REEP3: variants seen among roughly 807,000 people sequenced by gnomAD.
REEP3 encodes the protein receptor expression-enhancing protein 3.
In REEP3, 20 loss-of-function variants were observed where a neutral mutation model predicts 41.3. The observed-to-expected ratio is 0.48, with a 90% CI of 0.34 to 0.70. The LOEUF is 0.70. Among genes scored for constraint, REEP3 ranks in the 30% least tolerant of loss-of-function variants. The pLI, the probability that REEP3 is intolerant of heterozygous loss-of-function variation, is 0.01. For synonymous variants in REEP3, 104 were observed against 101.8 expected, an observed-to-expected ratio of 1.02 and a Z score of -0.13; for missense variants, 271 against 308.8, an observed-to-expected ratio of 0.88 and a Z score of 0.92.
At chr10:63,564,347 A>T (rs1475741603) in intron 1 of REEP3, among the ~76,000 whole-genome samples, 1 of 152,156 alleles carries the variant, frequency 6.6e-6, no homozygotes, top group African/African-American at 2.4e-5. Flanking sequence ...ATTAGGCCAG[A>T]TGCTGTGGCT....
chr10:63,533,679 C>T (rs962838000), intron 1 of REEP3, among the ~76,000 whole-genome samples: 1 of 149,214 alleles, frequency 6.7e-6, no homozygotes, highest in African/African-American at 2.5e-5. Flanking sequence ...CTATATAAGT[C>T]CACATGAAAG....
intron 2 of REEP3, among the ~76,000 whole-genome samples, chr10:63,580,074 T>C (rs543697902): frequency 1.4e-4 from 22 of 152,360 alleles, no homozygotes; most frequent in African/African-American, 5.3e-4. Context: ...ATTGAAATGA[T>C]AGTAATATAT....
intron 4 of REEP3, 50 bp downstream of exon 4, chr10:63,598,194 C>G (rs555702855): frequency 7.2e-7 from 1 of 1,381,134 alleles, no homozygotes; most frequent in African/African-American, 1.4e-5. Context: ...AATGCCTAAG[C>G]GGAGGCCAGG....
intron 2 of REEP3, among the ~76,000 whole-genome samples, chr10:63,590,293 T>C (rs1956049045): frequency 1.3e-5 from 2 of 152,214 alleles, no homozygotes; most frequent in Non-Finnish European, 2.9e-5. Flanking sequence ...GGAACTATCA[T>C]GTTTATGTTT....
chr10:63,570,957 A>G (rs914927231), intron 2 of REEP3, among the ~76,000 whole-genome samples: 1 of 152,172 alleles, frequency 6.6e-6, no homozygotes, highest in African/African-American at 2.4e-5. Flanking sequence ...TCTACAAAAA[A>G]CACAAAAATT....
chr10:63,600,923 GC>G (rs1404148353), intron 5 of REEP3, among the ~76,000 whole-genome samples: 1 of 152,112 alleles, frequency 6.6e-6, no homozygotes, highest in African/African-American at 2.4e-5. Flanking sequence ...GGAGGCCGAG[GC>G]AGATGGATCA....
chr10:63,602,602 C>T (rs1956182540), intron 5 of REEP3, among the ~76,000 whole-genome samples: 1 of 152,182 alleles, frequency 6.6e-6, no homozygotes, highest in African/African-American at 2.4e-5. Flanking sequence ...CATTTTTCCT[C>T]CTCACTTTTA....
chr10:63,592,191 TAA>T (rs2133401628), intron 2 of REEP3, among the ~76,000 whole-genome samples: 1 of 152,308 alleles, frequency 6.6e-6, no homozygotes, highest in South Asian at 2.1e-4. Context: ...GCCGCTTGTT[TAA>T]AAAGCTGCAT....
At chr10:63,573,779 AC>A (rs1213440285) in intron 2 of REEP3, among the ~76,000 whole-genome samples, 1 of 152,166 alleles carries the variant, frequency 6.6e-6, no homozygotes, top group Non-Finnish European at 1.5e-5. Context: ...ATACTAAAGA[AC>A]TTTTCTTTGT....
intron 2 of REEP3, among the ~76,000 whole-genome samples, chr10:63,586,585 A>G (rs1956009065): frequency 6.6e-6 from 1 of 152,212 alleles, no homozygotes; most frequent in Non-Finnish European, 1.5e-5. Flanking sequence ...TTGCCATTTC[A>G]TTGTGACCAC....
chr10:63,574,506 T>C (rs1268419974), intron 2 of REEP3, among the ~76,000 whole-genome samples: 1 of 152,212 alleles, frequency 6.6e-6, no homozygotes, highest in Admixed American at 6.5e-5. Flanking sequence ...AACATATTAT[T>C]TAATTATATG....
intron 5 of REEP3, among the ~76,000 whole-genome samples, chr10:63,607,287 C>CT (rs1023794593): frequency 2.6e-5 from 4 of 152,140 alleles, no homozygotes; most frequent in African/African-American, 9.7e-5. Flanking sequence ...CTCATATTCC[C>CT]TTTTTGCTTT....
chr10:63,591,024 A>G (rs1056301799), intron 2 of REEP3, among the ~76,000 whole-genome samples: 18 of 151,746 alleles, frequency 1.2e-4, no homozygotes, highest in African/African-American at 3.9e-4. Flanking sequence ...TTTCCTTTCA[A>G]TTTTTTGGTA....
chr10:63,598,104 A>G lies in REEP3; in HGVS notation c.263A>G (p.Tyr88Cys). Residue 88 changes from tyrosine (Y) to cysteine (C), a missense_variant, in exon 4 of 8, where the codon TAT (tyrosine) becomes TGT (cysteine). Tyr to Cys is a radical substitution (Grantham distance 194). Coordinates refer to ENST00000373758, the MANE Select transcript of REEP3 (RefSeq NM_001001330.3). ...TATACCAAAGGAGCAAGTTTAATAT[A>G]TAGAAAATTCCTTCATCCACTTCTT... ...SPYTKGASLI[Y>C]RKFLHPLLSS... 6.3e-7 allele frequency: 1 copy of G among 1,592,182 alleles called. No homozygotes were observed. Among genetic ancestry groups the G allele is most frequent in the Non-Finnish European group, 8.6e-7 (1 of 1,160,264 alleles).
intron 1 of REEP3, among the ~76,000 whole-genome samples, chr10:63,553,247 G>A (rs1955646410): frequency 6.6e-6 from 1 of 152,188 alleles, no homozygotes; most frequent in African/African-American, 2.4e-5. Context: ...CTGTGTTGGA[G>A]ATGCTGGAGG....
intron 2 of REEP3, among the ~76,000 whole-genome samples, chr10:63,592,438 T>G (rs1181140801): frequency 6.6e-6 from 1 of 152,226 alleles, no homozygotes; most frequent in African/African-American, 2.4e-5. Flanking sequence ...CAGGGTTTTT[T>G]GTTTTTTGTT....
intron 1 of REEP3, among the ~76,000 whole-genome samples, chr10:63,549,816 A>G (rs1278722727): frequency 6.6e-6 from 1 of 152,154 alleles, no homozygotes; most frequent in Non-Finnish European, 1.5e-5. Flanking sequence ...GGGGAAGAGG[A>G]AAGATGAGGA....
chr10:63,546,326 G>A (rs190182279), intron 1 of REEP3, among the ~76,000 whole-genome samples: 1 of 152,316 alleles, frequency 6.6e-6, no homozygotes, highest in East Asian at 1.9e-4. Flanking sequence ...CTTGGACCAG[G>A]CTGGTAGCAG....
chr10:63,590,404 T>A (rs951705690), intron 2 of REEP3, among the ~76,000 whole-genome samples: 3 of 152,240 alleles, frequency 2.0e-5, no homozygotes, highest in Non-Finnish European at 2.9e-5. Flanking sequence ...GACTAAATTA[T>A]GTTTTACATG....
Sources: allele counts gnomAD v4.1 joint callset (sites outside exome capture counted in the v4.1 genomes callset), GRCh38; gene constraint gnomAD v4.1.1; transcripts MANE v1.5; gene names NCBI Gene and HGNC (gene_info 2026-07-23, HGNC 2026-07-21).